The following ELP3 variants were observed in gnomAD, a reference collection of about 807,000 sequenced individuals.
ELP3 encodes the protein elongator complex protein 3.
ELP3 carries 56 observed loss-of-function variants against 74.9 expected under a neutral mutation model. That is an observed-to-expected ratio of 0.75 (90% CI 0.60 to 0.93). The LOEUF (loss-of-function observed/expected upper bound fraction) is 0.93. Among genes scored for constraint, ELP3 ranks in the 40% least tolerant of loss-of-function variants. The pLI is 0.00. For missense variants in ELP3, 573 were observed against 686.5 expected (o/e 0.83, Z 1.85); for synonymous variants, 222 against 239.8 (o/e 0.93, Z 0.68).
At chr8:28,177,625 G>C (rs1585752489) in intron 14 of ELP3, among the ~76,000 whole-genome samples, 2 of 152,302 alleles carry the variant, frequency 1.3e-5, no homozygotes, top group East Asian at 3.9e-4. Context: ...AGATTTACAA[G>C]TTTGGCTGTG....
chr8:28,161,841 T>C (rs1308446826), intron 13 of ELP3, among the ~76,000 whole-genome samples, 156 bp from the exon 14 acceptor site: 1 of 152,200 alleles, frequency 6.6e-6, no homozygotes, highest in Non-Finnish European at 1.5e-5. Context: ...TTTGGTAGGA[T>C]TGAATGGTTT....
intron 14 of ELP3, among the ~76,000 whole-genome samples, chr8:28,186,920 C>T (rs573858123): frequency 7.2e-5 from 11 of 152,302 alleles, no homozygotes; most frequent in African/African-American, 2.6e-4. Context: ...CCATAGCACT[C>T]CCTGTGTCTC....
intron 14 of ELP3, among the ~76,000 whole-genome samples, chr8:28,163,551 CTTTA>C (rs1487660089): frequency 3.5e-5 from 5 of 143,528 alleles, no homozygotes; most frequent in African/African-American, 5.2e-5. Context: ...ACATGTCTAG[CTTTA>C]TTTATTTATT....
At chr8:28,173,003 T>C (rs574865143) in intron 14 of ELP3, among the ~76,000 whole-genome samples, 3 of 152,186 alleles carry the variant, frequency 2.0e-5, no homozygotes, top group Admixed American at 2.0e-4. Flanking sequence ...TGGTATATAA[T>C]CCTTTTAATA....
chr8:28,106,539 C>CAAAAAAAAAA (rs61714722), intron 3 of ELP3, among the ~76,000 whole-genome samples, 174 bp from the exon 4 acceptor site: 1 of 112,696 alleles, frequency 8.9e-6, no homozygotes, highest in Non-Finnish European at 2.1e-5. Flanking sequence ...GACTCCGTCT[C>CAAAAAAAAAA]AAAAAAAAAA....
intron 14 of ELP3, among the ~76,000 whole-genome samples, chr8:28,169,077 CAT>C (rs1367306210): frequency 6.6e-6 from 1 of 152,152 alleles, no homozygotes; most frequent in Non-Finnish European, 1.5e-5. Flanking sequence ...GCCTGTTAGA[CAT>C]AGAATTGTAG....
At chr8:28,128,459 C>T (rs975162839) in intron 7 of ELP3, among the ~76,000 whole-genome samples, 1 of 151,864 alleles carries the variant, frequency 6.6e-6, no homozygotes, top group Non-Finnish European at 1.5e-5. Context: ...CTGGGCAACA[C>T]AGTGAAACTC....
chr8:28,094,725 G>GA (rs1811186262), intron 1 of ELP3, among the ~76,000 whole-genome samples: 2 of 151,708 alleles, frequency 1.3e-5, no homozygotes, highest in Admixed American at 6.6e-5. Flanking sequence ...CTGGGTGACC[G>GA]AGCAAGACTC....
At chr8:28,155,367 GC>G (rs1278300941) in intron 10 of ELP3, among the ~76,000 whole-genome samples, 1 of 152,130 alleles carries the variant, frequency 6.6e-6, no homozygotes, top group Non-Finnish European at 1.5e-5. Context: ...CTGTATTAAT[GC>G]CAGGAAATAA....
At chr8:28,155,875 C>G (rs889134384) in intron 10 of ELP3, 67 bp from the exon 11 acceptor site, 2 of 1,296,380 alleles carry the variant, frequency 1.5e-6, no homozygotes, top group East Asian at 4.7e-5. Flanking sequence ...TTTTTAATAT[C>G]CTTGCCTTAC....
chr8:28,129,332 G>A, intron 7 of ELP3, 170 bp from the exon 8 acceptor site: 1 of 624,278 alleles, frequency 1.6e-6, no homozygotes, highest in East Asian at 2.8e-5. Flanking sequence ...ATCCCCATGT[G>A]CATAGTTAGG....
chr8:28,116,929 G>C (rs151336362), intron 7 of ELP3, among the ~76,000 whole-genome samples: 1 of 152,150 alleles, frequency 6.6e-6, no homozygotes, highest in Non-Finnish European at 1.5e-5. Context: ...AAAGCCAGGC[G>C]ACGGGGATGG....
At position 28,147,641 on chromosome 8, in the gene ELP3, G is replaced by GT. The variant is rs1813483380; in HGVS notation, c.1101-8300dup. On this transcript the variant is annotated intron_variant, in intron 10 of 14. Transcript: ENST00000256398. The surrounding 1 kb of genome is among the most constrained non-coding windows in gnomAD (Gnocchi z 4.5). ...TATATAAATATATGTCTCTCTCTGT[G>GT]TGTGTATGTGTGTATGCATGCATAT... is the stretch of plus-strand genomic sequence containing the variant. Among the ~76,000 whole-genome samples, 1 of 152,104 alleles carries GT rather than the reference G, an allele frequency of 6.6e-6. No homozygotes were observed. The highest frequency in any genetic ancestry group is 2.4e-5 in the African/African-American group (1 of 41,414).
chr8:28,122,448 G>A (rs753883984), intron 7 of ELP3, among the ~76,000 whole-genome samples: 9 of 152,128 alleles, frequency 5.9e-5, no homozygotes, highest in Non-Finnish European at 1.0e-4. Context: ...TTATGGGAGG[G>A]TTTTAGATCA....
intron 12 of ELP3, 122 bp from the exon 13 acceptor site, chr8:28,160,107 A>C: frequency 1.2e-6 from 1 of 849,378 alleles, no homozygotes; most frequent in Non-Finnish European, 1.8e-6. Flanking sequence ...AAGAAACATA[A>C]TTAGTGATTA....
intron 10 of ELP3, among the ~76,000 whole-genome samples, chr8:28,149,941 ATTC>A (rs1430908651): frequency 6.6e-6 from 1 of 152,008 alleles, no homozygotes; most frequent in Non-Finnish European, 1.5e-5. Flanking sequence ...CATATCAGTT[ATTC>A]TTCTTTTTTT....
intron 7 of ELP3, among the ~76,000 whole-genome samples, chr8:28,121,932 C>T (rs960470622): frequency 1.3e-5 from 2 of 152,146 alleles, no homozygotes; most frequent in East Asian, 3.9e-4. Context: ...ACAGGGAAAA[C>T]ATTTTTATTT....
intron 7 of ELP3, among the ~76,000 whole-genome samples, chr8:28,125,141 C>A (rs1483441859): frequency 6.6e-6 from 1 of 152,106 alleles, no homozygotes; most frequent in Non-Finnish European, 1.5e-5. Flanking sequence ...AGGAGTTACA[C>A]CAATAACTCA....
intron 14 of ELP3, among the ~76,000 whole-genome samples, chr8:28,166,710 G>T (rs1337809621): frequency 6.6e-6 from 1 of 152,192 alleles, no homozygotes; most frequent in Non-Finnish European, 1.5e-5. Flanking sequence ...CCGTGGAAAC[G>T]GAGATCTCTG....
Sources: allele counts gnomAD v4.1 joint callset (sites outside exome capture counted in the v4.1 genomes callset), GRCh38; gene constraint gnomAD v4.1.1; non-coding constraint Gnocchi (gnomAD v3.1); transcripts MANE v1.5; gene names NCBI Gene and HGNC (gene_info 2026-07-23, HGNC 2026-07-21).